Variants in ESF1 observed in about 807,000 individuals in gnomAD.
ESF1 encodes the protein ESF1 nucleolar pre-rRNA processing protein.
Under a neutral mutation model 92.0 loss-of-function variants are expected in ESF1, and 58 were observed. The ratio of observed to expected loss-of-function variants is 0.63; its 90% CI spans 0.51 to 0.78. The LOEUF is 0.78. Among genes scored for constraint, ESF1 ranks in the 30% least tolerant of loss-of-function variants. The probability of loss-of-function intolerance (pLI) is 0.00; values close to 1 mark genes in which losing one functional copy is unlikely to be tolerated. For synonymous variants in ESF1, 321 were observed against 313.7 expected, an observed-to-expected ratio of 1.02 and a Z score of -0.24; for missense variants, 922 against 989.1, an observed-to-expected ratio of 0.93 and a Z score of 0.91.
chr20:13,766,860 T>C lies in ESF1; in HGVS notation c.1583A>G (p.Lys528Arg). 1 of 1,613,894 alleles carries C rather than the reference T, an allele frequency of 6.2e-7. No individual in the cohort carries two copies. The highest frequency in any genetic ancestry group is 8.5e-7 in the Non-Finnish European group (1 of 1,179,924). ...AAAATCCATGTCCAAAAGCTCTTCC[T>C]TTTTAAACTTCCTGTTGAGCATTGT... The part of the protein sequence containing the change: ...RITMLNRKFK[K>R]EELLDMDFQA... The change falls in exon 8 of 14, where the codon AAG (lysine) becomes AGG (arginine). Residue 528 changes from lysine (K) to arginine (R), a missense_variant. By Grantham distance (26) the Lys-to-Arg change is conservative. Coordinates refer to ENST00000617257, the MANE Select transcript of ESF1 (RefSeq NM_001276380.2).
At chr20:13,770,378 T>C (rs970922993) in intron 6 of ESF1, among the ~76,000 whole-genome samples, 1 of 152,208 alleles carries the variant, frequency 6.6e-6, no homozygotes. Flanking sequence ...GATTTTGTTG[T>C]TGTTTTTACA....
chr20:13,733,587 T>C, intron 10 of ESF1, 134 bp downstream of exon 10: 1 of 936,908 alleles, frequency 1.1e-6, no homozygotes, highest in Non-Finnish European at 1.5e-6. Flanking sequence ...CTTTCCTCTT[T>C]CTTAAAATTG....
intron 8 of ESF1, among the ~76,000 whole-genome samples, chr20:13,763,156 C>T (rs1231730784): frequency 3.3e-5 from 5 of 152,090 alleles, no homozygotes; most frequent in South Asian, 2.1e-4. Flanking sequence ...CTGCCGTGCC[C>T]GGCCTATTTA....
intron 5 of ESF1, among the ~76,000 whole-genome samples, chr20:13,771,880 A>G (rs537772383): frequency 4.0e-5 from 6 of 150,642 alleles, no homozygotes; most frequent in African/African-American, 7.3e-5. Flanking sequence ...TTAAGAGTCT[A>G]TAAGTTTGAT....
chr20:13,725,924 T>C (rs556905552), intron 11 of ESF1, among the ~76,000 whole-genome samples: 3 of 152,326 alleles, frequency 2.0e-5, no homozygotes, highest in East Asian at 1.9e-4. Flanking sequence ...CTCAAACTTA[T>C]TGTTTCCACA....
intron 11 of ESF1, among the ~76,000 whole-genome samples, chr20:13,722,535 T>C (rs1208851280): frequency 6.6e-6 from 1 of 152,160 alleles, no homozygotes. Flanking sequence ...TATTTTTCAG[T>C]CAATCTTTTG....
Position 13,775,120 on chromosome 20 carries a change from C to CT in ESF1, c.1149+36dup, listed in dbSNP as rs1979868697. On this transcript the variant is annotated intron_variant, in intron 4 of 13. Transcript: ENST00000617257. The stretch of plus-strand genomic sequence containing the variant: ...AAAAATCAGATTTAACTTAAAATGC[C>CT]TAGAAATATTTATTTCAAAATGAAA... 4 of 1,357,840 alleles carry CT rather than the reference C, an allele frequency of 2.9e-6. No homozygotes were observed. The African/African-American group carries it at 5.9e-5, about 20-fold the overall frequency. The allele number at this position is 1,357,840 out of a possible 1,614,324, so 84.1% of individuals were successfully genotyped here.
At chr20:13,763,421 T>G (rs1164599944) in intron 8 of ESF1, among the ~76,000 whole-genome samples, 2 of 152,184 alleles carry the variant, frequency 1.3e-5, no homozygotes. Flanking sequence ...AATGTCATTT[T>G]AAAATTTAGT....
chr20:13,752,572 GT>G (rs1157208471), intron 9 of ESF1, among the ~76,000 whole-genome samples: 3 of 152,162 alleles, frequency 2.0e-5, no homozygotes, highest in African/African-American at 7.2e-5. Context: ...CAGTGAACAG[GT>G]TTTGAGACAT....
At chr20:13,764,487 C>T (rs1256555253) in intron 8 of ESF1, among the ~76,000 whole-genome samples, 1 of 152,136 alleles carries the variant, frequency 6.6e-6, no homozygotes, top group Non-Finnish European at 1.5e-5. Context: ...AGGTTAGAGG[C>T]ACCAACCCTA....
In ESF1 at chr20:13,717,484, C is replaced by A. The variant is rs1388180678; in HGVS notation, c.2146G>T (p.Asp716Tyr). 6.2e-7 allele frequency: 1 copy of A among 1,613,880 alleles called. No homozygotes were observed. Among genetic ancestry groups the A allele is most frequent in the Non-Finnish European group, 8.5e-7 (1 of 1,180,036 alleles). Residue 716 changes from aspartate to tyrosine, a missense_variant, in exon 13 of 14, where the codon GAC becomes TAC. By Grantham distance (160) the Asp-to-Tyr change is radical (BLOSUM62 -3). Coordinates refer to ENST00000617257, the MANE Select transcript of ESF1 (RefSeq NM_001276380.2). Reference protein sequence around the residue: ...AEMALLMMDEDEDSKKHFNYN... With the variant: ...AEMALLMMDEYEDSKKHFNYN... ...TTGAAGTGTTTCTTACTGTCCTCGT[C>A]CTCATCCATCATAAGCAAAGCCATT...
chr20:13,762,150 T>C (rs969473276), intron 8 of ESF1, among the ~76,000 whole-genome samples: 2 of 152,186 alleles, frequency 1.3e-5, no homozygotes, highest in African/African-American at 4.8e-5. Context: ...TCAATGTCCT[T>C]ATATCTTAAA....
At chr20:13,769,638 T>C (rs1979589197) in intron 7 of ESF1, among the ~76,000 whole-genome samples, 1 of 152,058 alleles carries the variant, frequency 6.6e-6, no homozygotes, top group South Asian at 2.1e-4. Flanking sequence ...ATACAAAAAT[T>C]AGCCAGGTGT....
chr20:13,717,889 T>C (rs1444972016), intron 12 of ESF1, among the ~76,000 whole-genome samples: 1 of 152,146 alleles, frequency 6.6e-6, no homozygotes, highest in East Asian at 1.9e-4. Flanking sequence ...ATCTAGCAAA[T>C]GTTTATTTTG....
At position 13,756,428 on chromosome 20, in the gene ESF1, C is replaced by T. The variant is rs139387376; in HGVS notation, c.1828+3264G>A. On this transcript the variant is annotated intron_variant, in intron 9 of 13. Transcript: ENST00000617257. ...ATATACCCAATGTTGACGATAATTCCGTGAAACTGACACTCTTACTGATTG... is the reference window on the plus strand; with the variant it reads ...ATATACCCAATGTTGACGATAATTCTGTGAAACTGACACTCTTACTGATTG... 4.6e-5 allele frequency among the ~76,000 whole-genome samples: 7 copies of T among 152,246 alleles called. No homozygotes were observed. The East Asian group carries it at 9.6e-4, about 21-fold the overall frequency.
chr20:13,765,904 AAC>A (rs990320914), intron 8 of ESF1, among the ~76,000 whole-genome samples: 1 of 152,238 alleles, frequency 6.6e-6, no homozygotes, highest in Non-Finnish European at 1.5e-5. Context: ...GAAATATTAA[AAC>A]AGAGACTATG....
In ESF1 at chr20:13,760,822, G is replaced by A. The variant is rs549847482; in HGVS notation, c.1667-969C>T. ...AGGTGAGGGGTGCCTCTGCCCGGCC[G>A]CCCCTACTGGGAAGTGAGGAGCCCC... On this transcript the variant is annotated intron_variant, in intron 8 of 13. Coordinates refer to ENST00000617257, the MANE Select transcript of ESF1 (RefSeq NM_001276380.2). Among the ~76,000 whole-genome samples the A allele has an allele frequency of 7.7e-4, 117 of 151,744 alleles. 1 individual carries two copies. The highest frequency in any genetic ancestry group is 2.5e-3 in the African/African-American group (103 of 41,414).
intron 7 of ESF1, among the ~76,000 whole-genome samples, chr20:13,768,600 AG>A (rs969975108): frequency 5.3e-5 from 8 of 151,446 alleles, no homozygotes; most frequent in African/African-American, 1.9e-4. Context: ...GCAAAAAAAA[AG>A]AAAAGGGAGA....
chr20:13,752,277 G>A (rs1050530744), intron 9 of ESF1, among the ~76,000 whole-genome samples: 8 of 152,120 alleles, frequency 5.3e-5, no homozygotes, highest in Admixed American at 2.6e-4. Flanking sequence ...AGGAGCTCAC[G>A]CTTAGGTTTT....
Sources: gnomAD v4.1 joint callset for allele counts (sites outside exome capture counted in the v4.1 genomes callset) on GRCh38, gnomAD v4.1.1 for gene constraint, MANE v1.5 for transcripts, NCBI Gene and HGNC (gene_info 2026-07-23, HGNC 2026-07-21) for gene names.